The following DCAF6 variants were observed in gnomAD, a reference collection of about 807,000 sequenced individuals.
DCAF6 encodes DDB1 and CUL4 associated factor 6.
DCAF6 carries 54 observed loss-of-function variants against 125.1 expected under a neutral mutation model. That is an observed-to-expected ratio of 0.43 (90% CI 0.35 to 0.54). DCAF6 has a LOEUF of 0.54. DCAF6 is among the 20% of genes least tolerant of loss of function. The pLI is 0.01. For synonymous variants in DCAF6, 371 were observed against 390.4 expected (o/e 0.95, Z 0.58); for missense variants, 934 against 1,161.7 (o/e 0.80, Z 2.85).
At chr1:167,991,111 G>T in intron 5 of DCAF6, 93 bp from the exon 6 acceptor site, 1 of 1,076,252 alleles carries the variant, frequency 9.3e-7, no homozygotes. Flanking sequence ...TTCTGAGAAT[G>T]GTTATTCTAA....
At chr1:167,865,526 TAAC>T in the DCAF6 span, among the ~76,000 whole-genome samples, 3 of 152,186 alleles carry the variant, frequency 2.0e-5, no homozygotes, top group Non-Finnish European at 4.4e-5. Flanking sequence ...TTAACATTAA[TAAC>T]ACACTAATAT....
At chr1:167,870,557 C>T in the DCAF6 span, 2 of 678,802 alleles carry the variant, frequency 2.9e-6, no homozygotes, top group South Asian at 1.8e-5. Flanking sequence ...CTTTGGGAGG[C>T]CGAGGTGGGC....
intron 1 of DCAF6, among the ~76,000 whole-genome samples, chr1:167,940,179 T>C (rs1672012390): frequency 6.6e-6 from 1 of 152,224 alleles, no homozygotes; most frequent in Non-Finnish European, 1.5e-5. Context: ...CCTATTATGT[T>C]GTGGGAATGA....
intron 4 of DCAF6, among the ~76,000 whole-genome samples, chr1:167,984,229 T>C (rs1290728176): frequency 6.6e-6 from 1 of 152,226 alleles, no homozygotes; most frequent in African/African-American, 2.4e-5. Context: ...TTCAGAGGTC[T>C]TATTCAGCCA....
the DCAF6 span, chr1:167,896,612 G>A: frequency 1.2e-5 from 19 of 1,612,832 alleles, no homozygotes; most frequent in Non-Finnish European, 1.5e-5. Flanking sequence ...CTCACCAGAA[G>A]GATAATAATG....
chr1:167,878,473 T>C, the DCAF6 span: 1 of 1,614,132 alleles, frequency 6.2e-7, no homozygotes, highest in Non-Finnish European at 8.5e-7. Flanking sequence ...CCAATACTGA[T>C]ACAATGGTCC....
At chr1:168,067,112 TCATATAC>T (rs1431708073) in intron 20 of DCAF6, among the ~76,000 whole-genome samples, 1 of 152,224 alleles carries the variant, frequency 6.6e-6, no homozygotes, top group Non-Finnish European at 1.5e-5. Flanking sequence ...TTGTGGGTTC[TCATATAC>T]TATTTCTTAT....
At chr1:168,037,281 TAAAA>T (rs917649683) in intron 12 of DCAF6, among the ~76,000 whole-genome samples, 1 of 151,332 alleles carries the variant, frequency 6.6e-6, no homozygotes, top group East Asian at 1.9e-4. Context: ...GATCCAATAA[TAAAA>T]AAAAATCCTA....
At chr1:168,039,141 A>G (rs981874288) in intron 13 of DCAF6, among the ~76,000 whole-genome samples, 1 of 152,016 alleles carries the variant, frequency 6.6e-6, no homozygotes, top group East Asian at 1.9e-4. Flanking sequence ...CCTGCCTTCA[A>G]GATTATTTGA....
the DCAF6 span, among the ~76,000 whole-genome samples, chr1:167,912,778 T>C: frequency 6.6e-6 from 1 of 152,234 alleles, no homozygotes; most frequent in Non-Finnish European, 1.5e-5. Flanking sequence ...AACCTTGGTG[T>C]TCCTCCACTC....
intron 21 of DCAF6, among the ~76,000 whole-genome samples, chr1:168,071,396 G>T (rs921324060): frequency 2.0e-4 from 30 of 152,076 alleles, no homozygotes; most frequent in African/African-American, 7.2e-4. Flanking sequence ...CTGAGGTCAG[G>T]AATTCAAGAC....
chr1:167,881,000 G>A, the DCAF6 span, among the ~76,000 whole-genome samples: 2 of 152,200 alleles, frequency 1.3e-5, no homozygotes, highest in East Asian at 3.8e-4. Flanking sequence ...CACTTCTCAA[G>A]TGTGGAAACT....
At chr1:167,941,705 G>A (rs1227972420) in intron 1 of DCAF6, among the ~76,000 whole-genome samples, 4 of 152,164 alleles carry the variant, frequency 2.6e-5, no homozygotes, top group Admixed American at 2.6e-4. Flanking sequence ...TTTAAGGTGG[G>A]CAGGCTTCCC....
intron 12 of DCAF6, among the ~76,000 whole-genome samples, chr1:168,035,930 T>G (rs1281224335): frequency 6.6e-6 from 1 of 151,834 alleles, no homozygotes; most frequent in Non-Finnish European, 1.5e-5. Flanking sequence ...AGTGTGGTGG[T>G]GGGTGCCTAT....
In DCAF6 at chr1:168,035,325, T is replaced by TC. The variant is rs1293221411; in HGVS notation, c.1610-3046_1610-3045insC. Among the ~76,000 whole-genome samples the TC allele has an allele frequency of 7.6e-4, 116 of 152,258 alleles. 1 individual carries two copies. The South Asian group carries it at 0.022, about 29-fold the overall frequency. On this transcript the variant is annotated intron_variant, in intron 12 of 21. Transcript: ENST00000367840. ...AGCCAGGTGTGATGGCATGTGCCTATAGTCCCAGCTACTCAGGAGGCTGAG... is the reference window on the plus strand; with the variant it reads ...AGCCAGGTGTGATGGCATGTGCCTATCAGTCCCAGCTACTCAGGAGGCTGAG...
intron 21 of DCAF6, among the ~76,000 whole-genome samples, chr1:168,069,202 CTG>C (rs950016373): frequency 2.4e-4 from 37 of 152,170 alleles, no homozygotes; most frequent in African/African-American, 8.7e-4. Flanking sequence ...AGTCACACAA[CTG>C]ATAAATATTA....
chr1:167,872,542 G>A, the DCAF6 span, among the ~76,000 whole-genome samples: 8 of 151,252 alleles, frequency 5.3e-5, no homozygotes, highest in African/African-American at 1.9e-4. Context: ...TCAATATCGG[G>A]GACTGTTGTA....
intron 1 of DCAF6, among the ~76,000 whole-genome samples, chr1:167,948,486 C>T (rs1046635989): frequency 6.6e-6 from 1 of 152,114 alleles, no homozygotes; most frequent in African/African-American, 2.4e-5. Flanking sequence ...CTTGCCCCAA[C>T]CATCTCTATA....
At chr1:167,954,160 C>G (rs1171075288) in intron 2 of DCAF6, among the ~76,000 whole-genome samples, 6 of 152,022 alleles carry the variant, frequency 3.9e-5, no homozygotes, top group Admixed American at 3.9e-4. Flanking sequence ...TCTGCACCAC[C>G]ATGCCTGGCT....
Sources: allele counts gnomAD v4.1 joint callset (sites outside exome capture counted in the v4.1 genomes callset), GRCh38; gene constraint gnomAD v4.1.1; transcripts MANE v1.5; gene names NCBI Gene and HGNC (gene_info 2026-07-23, HGNC 2026-07-21).